Variants in PDE8B observed in about 807,000 individuals in gnomAD.
The protein encoded by PDE8B is phosphodiesterase 8B.
In PDE8B, 26 loss-of-function variants were observed where a neutral mutation model predicts 101.3. The observed-to-expected ratio is 0.26, with a 90% CI of 0.19 to 0.36. The LOEUF (loss-of-function observed/expected upper bound fraction) is 0.36, where lower values mean the gene tolerates loss of function less well. PDE8B is among the 10% of genes least tolerant of loss of function. PDE8B has a pLI of 1.00. For missense variants in PDE8B, 810 were observed against 1,163.1 expected (o/e 0.70, Z 4.42); for synonymous variants, 424 against 429.3 (o/e 0.99, Z 0.15).
At chr5:77,135,727 G>A in the PDE8B span, among the ~76,000 whole-genome samples, 7 of 151,798 alleles carry the variant, frequency 4.6e-5, no homozygotes, top group Admixed American at 1.3e-4. Context: ...CACCCGCCTC[G>A]GCCTCCCAAA....
intron 10 of PDE8B, among the ~76,000 whole-genome samples, chr5:77,394,374 G>A (rs553429806): frequency 2.1e-4 from 32 of 152,120 alleles, no homozygotes; most frequent in Non-Finnish European, 3.7e-4. Flanking sequence ...CACTCTTCAG[G>A]TAGCAAGATC....
intron 13 of PDE8B, among the ~76,000 whole-genome samples, chr5:77,407,764 A>T (rs553308757): frequency 6.6e-6 from 1 of 152,302 alleles, no homozygotes; most frequent in South Asian, 2.1e-4. Flanking sequence ...CAGGAGAAGA[A>T]GGAAGAGAAG....
At chr5:77,088,129 C>T in the PDE8B span, 1 of 152,216 alleles carries the variant, frequency 6.6e-6, no homozygotes, top group African/African-American at 2.4e-5. Context: ...GGACGTGCAA[C>T]AGGGTTGTGG....
chr5:77,122,492 A>G, the PDE8B span, among the ~76,000 whole-genome samples: 1 of 152,234 alleles, frequency 6.6e-6, no homozygotes, highest in Non-Finnish European at 1.5e-5. Context: ...AAGTGGGACA[A>G]TTAATTCAGC....
intron 19 of PDE8B, 60 bp downstream of exon 19, chr5:77,419,947 C>T (rs1320688520): frequency 5.6e-6 from 9 of 1,594,464 alleles, no homozygotes; most frequent in Non-Finnish European, 7.7e-6. Flanking sequence ...AGAGCCTGCT[C>T]TGGCCCTGAA....
intron 1 of PDE8B, among the ~76,000 whole-genome samples, chr5:77,292,770 A>C (rs1337158543): frequency 6.6e-6 from 1 of 152,214 alleles, no homozygotes; most frequent in Non-Finnish European, 1.5e-5. Context: ...TAAGGATGCC[A>C]ATCCCTTTAC....
intron 1 of PDE8B, among the ~76,000 whole-genome samples, chr5:77,253,947 TTGAG>T (rs1454403604): frequency 2.6e-5 from 4 of 151,886 alleles, no homozygotes; most frequent in Non-Finnish European, 4.4e-5. Context: ...CTATATTTTA[TTGAG>T]TATTTATAGT....
At chr5:77,225,883 C>A (rs1322652436) in intron 1 of PDE8B, among the ~76,000 whole-genome samples, 1 of 104,550 alleles carries the variant, frequency 9.6e-6, no homozygotes, top group Non-Finnish European at 2.0e-5. Context: ...CACACACACC[C>A]CACGCACACA....
chr5:77,376,112 GA>G (rs1186095758), intron 10 of PDE8B, among the ~76,000 whole-genome samples: 1 of 152,040 alleles, frequency 6.6e-6, no homozygotes, highest in Non-Finnish European at 1.5e-5. Context: ...ATTTCTAGTG[GA>G]GCATTCCCAG....
the PDE8B span, among the ~76,000 whole-genome samples, chr5:77,164,180 C>T: frequency 3.6e-3 from 552 of 152,270 alleles, 2 homozygotes; most frequent in African/African-American, 0.012. Context: ...TAAGGCATGG[C>T]GTATTTAAAA....
intron 17 of PDE8B, among the ~76,000 whole-genome samples, chr5:77,414,249 T>C (rs1232714960): frequency 6.6e-6 from 1 of 152,194 alleles, no homozygotes; most frequent in East Asian, 1.9e-4. Context: ...CTGATATTTA[T>C]TCACTTTCAT....
At chr5:77,291,263 G>A in intron 1 of PDE8B, 1 of 1,612,888 alleles carries the variant, frequency 6.2e-7, no homozygotes. Context: ...TCCGAGTTGG[G>A]AACCCATGGG....
chr5:77,090,784 C>T, the PDE8B span, among the ~76,000 whole-genome samples: 41 of 152,214 alleles, frequency 2.7e-4, no homozygotes, highest in Middle Eastern at 3.4e-3. Context: ...TGTGAATACA[C>T]ACCACAGTTT....
intron 5 of PDE8B, among the ~76,000 whole-genome samples, chr5:77,335,862 T>A (rs886747124): frequency 6.6e-6 from 1 of 152,178 alleles, no homozygotes; most frequent in Non-Finnish European, 1.5e-5. Context: ...CTTAAATCTC[T>A]TCCCTTACTA....
the PDE8B span, among the ~76,000 whole-genome samples, chr5:77,136,086 C>A: frequency 6.6e-6 from 1 of 152,278 alleles, no homozygotes; most frequent in East Asian, 1.9e-4. Context: ...TTTCTAGCAA[C>A]TTTTAAAACT....
At chr5:77,132,813 C>T in the PDE8B span, among the ~76,000 whole-genome samples, 1 of 152,168 alleles carries the variant, frequency 6.6e-6, no homozygotes, top group African/African-American at 2.4e-5. Context: ...AAGGAAAGGT[C>T]TATGGGAGGT....
At chr5:77,383,774 A>G (rs529394998) in intron 10 of PDE8B, among the ~76,000 whole-genome samples, 1 of 152,264 alleles carries the variant, frequency 6.6e-6, no homozygotes, top group African/African-American at 2.4e-5. Flanking sequence ...CAGGTTTGTC[A>G]AAGATCAGAT....
the PDE8B span, among the ~76,000 whole-genome samples, chr5:77,188,426 A>G: frequency 1.5e-4 from 23 of 152,322 alleles, no homozygotes; most frequent in East Asian, 4.2e-3. Context: ...TCAGGGGGAC[A>G]ATGGCTACTG....
At chr5:77,415,392 CTG>C (rs1795330003) in intron 17 of PDE8B, among the ~76,000 whole-genome samples, 1 of 125,034 alleles carries the variant, frequency 8.0e-6, no homozygotes, top group Admixed American at 9.7e-5. Flanking sequence ...AAGTCTCACT[CTG>C]TCACCCAGGT....
Sources: allele counts gnomAD v4.1 joint callset (sites outside exome capture counted in the v4.1 genomes callset), GRCh38; gene constraint gnomAD v4.1.1; transcripts MANE v1.5; gene names NCBI Gene and HGNC (gene_info 2026-07-23, HGNC 2026-07-21).